The following EIF3H variants were observed in gnomAD, a reference collection of about 807,000 sequenced individuals.
The protein encoded by EIF3H is eIF-3-gamma.
A neutral mutation model predicts 44.2 loss-of-function variants in EIF3H; 26 were observed. The ratio of observed to expected loss-of-function variants is 0.59; its 90% CI spans 0.43 to 0.82. EIF3H has a LOEUF of 0.82. Among genes scored for constraint, EIF3H ranks in the 40% least tolerant of loss-of-function variants. EIF3H has a pLI of 0.00. For missense variants in EIF3H, 359 were observed against 432.8 expected (o/e 0.83, Z 1.51); for synonymous variants, 166 against 151.9 (o/e 1.09, Z -0.68).
chr8:116,648,773 T>G (rs780226312), intron 6 of EIF3H, 33 bp downstream of exon 6: 6 of 1,554,248 alleles, frequency 3.9e-6, no homozygotes, highest in Middle Eastern at 1.7e-4. Context: ...AACTTAGAAA[T>G]AGCTGTTTGT....
chr8:116,695,100 A>G (rs1814246469), intron 2 of EIF3H, among the ~76,000 whole-genome samples: 1 of 138,122 alleles, frequency 7.2e-6, no homozygotes, highest in Non-Finnish European at 1.5e-5. Flanking sequence ...ACAGAGTCTC[A>G]CCCTGTCGCC....
At chr8:116,659,171 T>C (rs1429910062) in intron 2 of EIF3H, among the ~76,000 whole-genome samples, 191 bp from the exon 3 acceptor site, 1 of 152,130 alleles carries the variant, frequency 6.6e-6, no homozygotes, top group Non-Finnish European at 1.5e-5. Context: ...TCATCAGGGG[T>C]TTCCTTTTAT....
At chr8:116,762,268 C>CT (rs901972497) in intron 1 of EIF3H, among the ~76,000 whole-genome samples, 1 of 152,186 alleles carries the variant, frequency 6.6e-6, no homozygotes, top group Admixed American at 6.5e-5. Flanking sequence ...CTTATGATAA[C>CT]TTTTTTTTAA....
intron 1 of EIF3H, among the ~76,000 whole-genome samples, chr8:116,739,723 AG>A (rs954950460): frequency 3.3e-5 from 5 of 152,192 alleles, no homozygotes; most frequent in African/African-American, 1.2e-4. Context: ...GAAGGCTGTG[AG>A]ACCCCTGATT....
In EIF3H at chr8:116,751,217, A is replaced by AAAAATAAAAT. The variant is rs369075600; in HGVS notation, c.132+4439_132+4448dup. Among the ~76,000 whole-genome samples the AAAAATAAAAT allele has an allele frequency of 8.4e-3, 1,238 of 147,196 alleles. 8 individuals are homozygous for AAAAATAAAAT. The highest frequency in any genetic ancestry group is 0.012 in the East Asian group (62 of 5,140). ...ACAGAGCGAGACTCCGTCTCAAAAAAAAAATAAAATAAAATAAAATAAAAT... is the reference window on the plus strand; with the variant it reads ...ACAGAGCGAGACTCCGTCTCAAAAAAAAAATAAAATAAAATAAAATAAAATAAAATAAAAT... On this transcript the variant is annotated intron_variant, in intron 1 of 7. Transcript: ENST00000521861.
At chr8:116,657,052 C>T (rs1440078920) in intron 4 of EIF3H, among the ~76,000 whole-genome samples, 163 bp downstream of exon 4, 1 of 152,070 alleles carries the variant, frequency 6.6e-6, no homozygotes, top group Non-Finnish European at 1.5e-5. Flanking sequence ...ATAATTTAAA[C>T]ATGGAAAGGG....
At chr8:116,761,922 T>G (rs1276588384) in intron 1 of EIF3H, among the ~76,000 whole-genome samples, 1 of 152,220 alleles carries the variant, frequency 6.6e-6, no homozygotes, top group Non-Finnish European at 1.5e-5. Context: ...GCTCTTCATA[T>G]TTAACTAACT....
At chr8:116,656,620 A>T (rs1034422163) in intron 4 of EIF3H, among the ~76,000 whole-genome samples, 1 of 152,236 alleles carries the variant, frequency 6.6e-6, no homozygotes, top group Admixed American at 6.5e-5. Flanking sequence ...ATGAAGTCAA[A>T]ACCATTAATT....
At chr8:116,672,927 G>T (rs1813781397) in intron 2 of EIF3H, among the ~76,000 whole-genome samples, 1 of 149,478 alleles carries the variant, frequency 6.7e-6, no homozygotes, top group Non-Finnish European at 1.5e-5. Context: ...AAGACATATG[G>T]CACTCATGAA....
chr8:116,741,024 C>A (rs955435337), intron 1 of EIF3H, among the ~76,000 whole-genome samples: 1 of 152,198 alleles, frequency 6.6e-6, no homozygotes, highest in African/African-American at 2.4e-5. Flanking sequence ...ACAACTATCA[C>A]AACAAACATT....
At chr8:116,734,373 T>C (rs1236916798) in intron 1 of EIF3H, 1 of 455,886 alleles carries the variant, frequency 2.2e-6, no homozygotes, top group East Asian at 6.9e-5. Flanking sequence ...AAGAGAATAC[T>C]TGACGACTAT....
intron 2 of EIF3H, among the ~76,000 whole-genome samples, chr8:116,661,601 A>G (rs945062807): frequency 1.3e-5 from 2 of 152,252 alleles, no homozygotes; most frequent in African/African-American, 4.8e-5. Flanking sequence ...AATTATAAAT[A>G]AAGAATTTTC....
intron 2 of EIF3H, among the ~76,000 whole-genome samples, chr8:116,705,688 GAC>G (rs1297623867): frequency 6.6e-6 from 1 of 152,086 alleles, no homozygotes; most frequent in Non-Finnish European, 1.5e-5. Context: ...AAAAGACTGA[GAC>G]AGTCACAGAC....
At chr8:116,759,697 G>GTGTGTT (rs1413232248), upstream of EIF3H, among the ~76,000 whole-genome samples, 1 of 152,094 alleles carries the variant, frequency 6.6e-6, no homozygotes, top group Non-Finnish European at 1.5e-5. Context: ...GATGTGTGGG[G>GTGTGTT]TGTGTTTGTG....
chr8:116,692,886 G>A (rs1156847411), intron 2 of EIF3H, among the ~76,000 whole-genome samples: 1 of 151,984 alleles, frequency 6.6e-6, no homozygotes, highest in East Asian at 1.9e-4. Context: ...CTTCTAACTG[G>A]CACAAAGCTT....
chr8:116,703,443 C>T (rs1175098487), intron 2 of EIF3H, among the ~76,000 whole-genome samples: 13 of 152,166 alleles, frequency 8.5e-5, no homozygotes, highest in Non-Finnish European at 1.9e-4. Flanking sequence ...CGCAGCCATC[C>T]GGAGGCCTGA....
intron 2 of EIF3H, among the ~76,000 whole-genome samples, chr8:116,660,835 T>A (rs1489180044): frequency 1.3e-5 from 2 of 152,228 alleles, no homozygotes; most frequent in African/African-American, 4.8e-5. Flanking sequence ...AGTGTTTCTG[T>A]ATATTTATGA....
At chr8:116,747,995 C>T (rs1815266473) in intron 1 of EIF3H, among the ~76,000 whole-genome samples, 1 of 151,980 alleles carries the variant, frequency 6.6e-6, no homozygotes, top group Non-Finnish European at 1.5e-5. Context: ...CCTGTAATCC[C>T]AGCTACTTGG....
At chr8:116,716,482 G>A (rs1387027469) in intron 2 of EIF3H, among the ~76,000 whole-genome samples, 5 of 152,074 alleles carry the variant, frequency 3.3e-5, no homozygotes, top group Admixed American at 3.3e-4. Context: ...TATATTCTGA[G>A]CTCCGTCAAG....
Sources: allele counts gnomAD v4.1 joint callset (sites outside exome capture counted in the v4.1 genomes callset), GRCh38; gene constraint gnomAD v4.1.1; transcripts MANE v1.5; gene names NCBI Gene and HGNC (gene_info 2026-07-23, HGNC 2026-07-21).